Variants in MRPS6 observed in about 807,000 individuals in gnomAD.
MRPS6 encodes the protein mitochondrial ribosomal protein S6, also known as small ribosomal subunit protein bS6m.
A neutral mutation model predicts 13.1 loss-of-function variants in MRPS6; 6 were observed. That is an observed-to-expected ratio of 0.46 (90% CI 0.25 to 0.91). The LOEUF is 0.91. Ranked by LOEUF, MRPS6 falls within the 40% of genes least tolerant of loss-of-function variation. MRPS6 has a pLI of 0.18. For synonymous variants in MRPS6, 61 were observed against 56.5 expected (o/e 1.08, Z -0.36); for missense variants, 164 against 155.6 (o/e 1.05, Z -0.29).
At position 34,106,801 on chromosome 21, in the gene MRPS6, G is replaced by A. The variant is rs1175701436; in HGVS notation, c.46-18540G>A. Among the ~76,000 whole-genome samples the A allele has an allele frequency of 3.3e-5, 5 of 152,190 alleles. No homozygotes were observed. The South Asian group carries it at 1.0e-3, about 32-fold the overall frequency. ...CAAAAGACTATTCAGATATTCCTGG[G>A]TCCAGTAATGTCTTTATAGCAGCTT... is the stretch of plus-strand genomic sequence containing the variant. On this transcript the variant is annotated intron_variant, in intron 1 of 2. Coordinates refer to ENST00000399312, the MANE Select transcript of MRPS6 (RefSeq NM_032476.4).
intron 2 of MRPS6, among the ~76,000 whole-genome samples, chr21:34,129,328 C>T (rs1052544015): frequency 2.0e-5 from 3 of 152,030 alleles, no homozygotes; most frequent in South Asian, 2.1e-4. Flanking sequence ...ACAAAAAGTG[C>T]GGTCGTATTT....
chr21:34,135,650 T>C, intron 2 of MRPS6: 1 of 382,260 alleles, frequency 2.6e-6, no homozygotes, highest in Non-Finnish European at 5.2e-6. Flanking sequence ...CATCTCACAG[T>C]CCCTGCTCAC....
chr21:34,086,519 GT>G (rs2148655619), intron 1 of MRPS6, among the ~76,000 whole-genome samples: 1 of 7,372 alleles, frequency 1.4e-4, no homozygotes, highest in East Asian at 0.025. Context: ...GTTTGTGTTT[GT>G]GTGTGTGTGT....
intron 1 of MRPS6, among the ~76,000 whole-genome samples, chr21:34,086,461 C>G (rs1008520358): frequency 6.6e-6 from 1 of 151,724 alleles, no homozygotes; most frequent in Non-Finnish European, 1.5e-5. Context: ...TTACATTAGT[C>G]CTTTTGCATC....
chr21:34,120,718 T>C (rs1980088448), intron 1 of MRPS6, among the ~76,000 whole-genome samples: 1 of 152,234 alleles, frequency 6.6e-6, no homozygotes, highest in Admixed American at 6.5e-5. Context: ...GAATTTGATA[T>C]TTGAAATGTA....
At chr21:34,118,550 T>C (rs868337364) in intron 1 of MRPS6, among the ~76,000 whole-genome samples, 1 of 146,762 alleles carries the variant, frequency 6.8e-6, no homozygotes, top group Non-Finnish European at 1.5e-5. Context: ...CATTTCTTTC[T>C]TTCTTTCTTT....
Position 34,096,120 on chromosome 21 carries a change from C to T in MRPS6, c.45+22375C>T. On this transcript the variant is annotated intron_variant, in intron 1 of 2. Coordinates refer to ENST00000399312, the MANE Select transcript of MRPS6 (RefSeq NM_032476.4). The surrounding 1 kb of genome is among the most constrained non-coding windows in gnomAD (Gnocchi z 5.9). Reference sequence around the variant, plus strand: ...TCTTATGGCTGGCTTCTTAAAGCTCCTGCCAATGTTTATCATAGTTGTCCC... The same window carrying T: ...TCTTATGGCTGGCTTCTTAAAGCTCTTGCCAATGTTTATCATAGTTGTCCC... 6.2e-7 allele frequency: 1 copy of T among 1,614,144 alleles called. No homozygotes were observed. Among genetic ancestry groups the T allele is most frequent in the Non-Finnish European group, 8.5e-7 (1 of 1,180,010 alleles).
intron 1 of MRPS6, among the ~76,000 whole-genome samples, chr21:34,119,002 A>T (rs1980028184): frequency 6.6e-6 from 1 of 152,198 alleles, no homozygotes; most frequent in Admixed American, 6.5e-5. Context: ...TTGAACATGT[A>T]CTTAGGCATC....
chr21:34,085,600 C>CTTT (rs56135810), intron 1 of MRPS6, among the ~76,000 whole-genome samples: 13 of 130,266 alleles, frequency 1.0e-4, no homozygotes, highest in African/African-American at 2.3e-4. Flanking sequence ...GAAATAAGGA[C>CTTT]TTTTTTTTTT....
intron 1 of MRPS6, among the ~76,000 whole-genome samples, chr21:34,085,755 A>G (rs551522476): frequency 5.3e-5 from 8 of 152,120 alleles, no homozygotes; most frequent in Admixed American, 2.0e-4. Flanking sequence ...GGCGCCCGCC[A>G]CCGCACCCAG....
At chr21:34,114,583 C>A (rs989007156) in intron 1 of MRPS6, among the ~76,000 whole-genome samples, 1 of 152,144 alleles carries the variant, frequency 6.6e-6, no homozygotes, top group Non-Finnish European at 1.5e-5. Context: ...ATTTTTAAAG[C>A]TCCCAGGTGA....
intron 1 of MRPS6, among the ~76,000 whole-genome samples, chr21:34,111,258 T>A (rs140381828): frequency 8.6e-4 from 131 of 152,306 alleles, no homozygotes; most frequent in Non-Finnish European, 1.9e-4. Context: ...TTAATGAGAA[T>A]CACTTGGAAT....
chr21:34,105,428 A>AT (rs1979434278), intron 1 of MRPS6: 4 of 997,186 alleles, frequency 4.0e-6, no homozygotes, highest in Non-Finnish European at 4.8e-6. Flanking sequence ...TCATTCATTC[A>AT]TTTATTTTTA....
At chr21:34,120,811 T>C (rs1980091673) in intron 1 of MRPS6, among the ~76,000 whole-genome samples, 1 of 152,234 alleles carries the variant, frequency 6.6e-6, no homozygotes, top group African/African-American at 2.4e-5. Flanking sequence ...ATTTTGGTAC[T>C]GCGTGAAGTA....
chr21:34,136,154 C>CTT (rs772731433), intron 2 of MRPS6: 18 of 156,200 alleles, frequency 1.2e-4, no homozygotes, highest in South Asian at 3.6e-4. Flanking sequence ...TTTCTTTTTT[C>CTT]TTTTTTTTTT....
intron 1 of MRPS6, among the ~76,000 whole-genome samples, chr21:34,090,740 GT>G (rs1156589258): frequency 2.0e-5 from 3 of 152,182 alleles, no homozygotes; most frequent in Non-Finnish European, 2.9e-5. Flanking sequence ...TAAGGAGCAA[GT>G]TGGTTTCATT....
chr21:34,098,585 A>C, intron 1 of MRPS6: 1 of 1,000,254 alleles, frequency 1.0e-6, no homozygotes, highest in Non-Finnish European at 1.2e-6. Context: ...CTCAGTGCAT[A>C]CTTTGCTGTT....
chr21:34,112,714 C>A (rs553830666), intron 1 of MRPS6, among the ~76,000 whole-genome samples: 3 of 152,180 alleles, frequency 2.0e-5, no homozygotes, highest in Non-Finnish European at 2.9e-5. Context: ...AGCTCCCAAT[C>A]CCCCCTCCCC....
intron 1 of MRPS6, among the ~76,000 whole-genome samples, chr21:34,113,952 T>C (rs1158305058): frequency 6.6e-6 from 1 of 152,218 alleles, no homozygotes; most frequent in Non-Finnish European, 1.5e-5. Flanking sequence ...GGCAGGGAAC[T>C]GAATTGTGCA....
Sources: gnomAD v4.1 joint callset for allele counts (sites outside exome capture counted in the v4.1 genomes callset) on GRCh38, gnomAD v4.1.1 for gene constraint, Gnocchi (gnomAD v3.1) non-coding constraint, MANE v1.5 for transcripts, NCBI Gene and HGNC (gene_info 2026-07-23, HGNC 2026-07-21) for gene names.